Variants in PDE1A observed in about 807,000 individuals in gnomAD.
PDE1A encodes the protein dual specificity calcium/calmodulin-dependent 3',5'-cyclic nucleotide phosphodiesterase 1A.
A neutral mutation model predicts 61.7 loss-of-function variants in PDE1A; 35 were observed. That is an observed-to-expected ratio of 0.57 (90% CI 0.43 to 0.75). The LOEUF is 0.75. Ranked by LOEUF, PDE1A falls within the 30% of genes least tolerant of loss-of-function variation. The probability of loss-of-function intolerance (pLI) is 0.00; values close to 1 mark genes in which losing one functional copy is unlikely to be tolerated. For missense variants in PDE1A, 597 were observed against 630.6 expected, an observed-to-expected ratio of 0.95 and a Z score of 0.57; for synonymous variants, 232 against 213.2, an observed-to-expected ratio of 1.09 and a Z score of -0.77.
the PDE1A span, among the ~76,000 whole-genome samples, chr2:182,539,139 C>T: frequency 6.6e-6 from 1 of 152,200 alleles, no homozygotes; most frequent in African/African-American, 2.4e-5. Context: ...CTTCAACATA[C>T]AAAATTCCTT....
intron 2 of PDE1A, among the ~76,000 whole-genome samples, chr2:182,479,753 ATAGTAATTATTG>A (rs1687591093): frequency 6.6e-6 from 1 of 151,936 alleles, no homozygotes; most frequent in Admixed American, 6.6e-5. Context: ...CATAATAGAA[ATAGTAATTATTG>A]TACTATATAA....
chr2:182,403,598 C>CAAAAAAAAAAAAAAAAA (rs548993514), intron 1 of PDE1A, among the ~76,000 whole-genome samples: 38 of 77,582 alleles, frequency 4.9e-4, no homozygotes, highest in African/African-American at 2.0e-3. Flanking sequence ...GACTCCGTCT[C>CAAAAAAAAAAAAAAAAA]AAAAAAAAAA....
At chr2:182,567,007 G>T in the PDE1A span, among the ~76,000 whole-genome samples, 16 of 152,110 alleles carry the variant, frequency 1.1e-4, no homozygotes, top group African/African-American at 3.9e-4. Context: ...TGAACAATTT[G>T]AAGTGTTAAA....
At chr2:182,413,157 T>A (rs920765536) in intron 1 of PDE1A, among the ~76,000 whole-genome samples, 1 of 151,826 alleles carries the variant, frequency 6.6e-6, no homozygotes, top group African/African-American at 2.4e-5. Context: ...AGGAAAGAGA[T>A]GGAATAGATG....
the PDE1A span, among the ~76,000 whole-genome samples, chr2:182,700,248 C>G: frequency 1.3e-5 from 2 of 152,158 alleles, no homozygotes; most frequent in South Asian, 2.1e-4. Context: ...ATACAACACA[C>G]AGCAAATTTG....
At chr2:182,491,123 C>T (rs1309321787) in intron 2 of PDE1A, among the ~76,000 whole-genome samples, 2 of 152,096 alleles carry the variant, frequency 1.3e-5, no homozygotes, top group African/African-American at 2.4e-5. Flanking sequence ...TGGCACCAAC[C>T]TAATAGGAAG....
chr2:182,501,809 A>T (rs565237648), intron 2 of PDE1A, among the ~76,000 whole-genome samples: 2 of 152,274 alleles, frequency 1.3e-5, no homozygotes, highest in South Asian at 4.2e-4. Flanking sequence ...TCTCATGGTC[A>T]ATCTAGGTTT....
chr2:182,412,256 T>C (rs879392873), intron 1 of PDE1A, among the ~76,000 whole-genome samples: 1 of 152,118 alleles, frequency 6.6e-6, no homozygotes, highest in Admixed American at 6.5e-5. Context: ...AGGCTGAGAT[T>C]TGTTTCTTAG....
intron 1 of PDE1A, among the ~76,000 whole-genome samples, chr2:182,355,914 A>G (rs1324852037): frequency 1.3e-5 from 2 of 152,152 alleles, no homozygotes. Flanking sequence ...AGTTATAGGG[A>G]CCTGAAGAGA....
chr2:182,472,919 T>C (rs1307660165), intron 2 of PDE1A, among the ~76,000 whole-genome samples: 4 of 147,348 alleles, frequency 2.7e-5, no homozygotes, highest in Non-Finnish European at 6.0e-5. Flanking sequence ...GACTCATACA[T>C]AAGCTTTTTA....
intron 7 of PDE1A, among the ~76,000 whole-genome samples, chr2:182,223,382 T>G (rs1688888022): frequency 6.6e-6 from 1 of 152,068 alleles, no homozygotes; most frequent in East Asian, 1.9e-4. Context: ...TTTAAATAAC[T>G]TCCATTGTAA....
chr2:182,450,655 T>C (rs1685449901), intron 2 of PDE1A, among the ~76,000 whole-genome samples: 1 of 152,054 alleles, frequency 6.6e-6, no homozygotes, highest in Admixed American at 6.6e-5. Context: ...CTTTTAAGGC[T>C]ATTGTTTTCT....
chr2:182,367,641 T>A (rs1699910900), intron 1 of PDE1A, among the ~76,000 whole-genome samples: 1 of 152,056 alleles, frequency 6.6e-6, no homozygotes, highest in Non-Finnish European at 1.5e-5. Flanking sequence ...AGCATGAAAC[T>A]GCATTTGATG....
At chr2:182,362,917 A>G (rs953416258) in intron 1 of PDE1A, among the ~76,000 whole-genome samples, 3 of 152,062 alleles carry the variant, frequency 2.0e-5, no homozygotes, top group African/African-American at 7.2e-5. Flanking sequence ...TCTTTGCAGG[A>G]ACATGGATGG....
At chr2:182,325,214 G>C (rs1040402445) in intron 1 of PDE1A, among the ~76,000 whole-genome samples, 1 of 152,148 alleles carries the variant, frequency 6.6e-6, no homozygotes, top group Non-Finnish European at 1.5e-5. Flanking sequence ...AGACTTGTTG[G>C]TTAGTAATTA....
At chr2:182,305,381 T>C (rs1238420228) in intron 1 of PDE1A, among the ~76,000 whole-genome samples, 1 of 152,158 alleles carries the variant, frequency 6.6e-6, no homozygotes, top group Non-Finnish European at 1.5e-5. Context: ...CTTTCAGCTT[T>C]ACCCTTACAG....
At chr2:182,532,957 A>AAAAAAAC in the PDE1A span, among the ~76,000 whole-genome samples, 1 of 149,210 alleles carries the variant, frequency 6.7e-6, no homozygotes, top group East Asian at 2.0e-4. Flanking sequence ...AAAAAAAAAA[A>AAAAAAAC]AAAAAAAAAA....
intron 2 of PDE1A, among the ~76,000 whole-genome samples, chr2:182,256,309 C>G (rs1257391038): frequency 7.4e-6 from 1 of 135,022 alleles, no homozygotes; most frequent in African/African-American, 2.8e-5. Context: ...TTGTTCAATT[C>G]CCACCTATGA....
chr2:182,691,468 G>T, the PDE1A span, among the ~76,000 whole-genome samples: 1 of 152,158 alleles, frequency 6.6e-6, no homozygotes, highest in Non-Finnish European at 1.5e-5. Flanking sequence ...GGGAAAACTG[G>T]CTAGCCATAT....
Sources: allele counts gnomAD v4.1 joint callset (sites outside exome capture counted in the v4.1 genomes callset), GRCh38; gene constraint gnomAD v4.1.1; transcripts MANE v1.5; gene names NCBI Gene and HGNC (gene_info 2026-07-23, HGNC 2026-07-21).